The following PRKAG2 variants were observed in gnomAD, a reference collection of about 807,000 sequenced individuals.
The protein encoded by PRKAG2 is protein kinase AMP-activated non-catalytic subunit gamma 2, also known as 5'-AMP-activated protein kinase subunit gamma-2.
PRKAG2 carries 26 observed loss-of-function variants against 69.6 expected under a neutral mutation model. The ratio of observed to expected loss-of-function variants is 0.37; its 90% confidence interval spans 0.27 to 0.52. PRKAG2 has a LOEUF of 0.52. PRKAG2 is among the 20% of genes least tolerant of loss of function. The pLI is 0.90. For synonymous variants in PRKAG2, 293 were observed against 285.0 expected (o/e 1.03, Z -0.28); for missense variants, 557 against 740.0 (o/e 0.75, Z 2.87).
At chr7:151,853,569 T>C (rs147253112) in intron 1 of PRKAG2, among the ~76,000 whole-genome samples, 69 of 152,124 alleles carry the variant, frequency 4.5e-4, no homozygotes, top group African/African-American at 1.6e-3. Flanking sequence ...CCATCTTGGC[T>C]AACACAGTGA....
intron 4 of PRKAG2, among the ~76,000 whole-genome samples, chr7:151,659,334 T>A (rs1213535365): frequency 6.6e-6 from 1 of 152,188 alleles, no homozygotes; most frequent in Non-Finnish European, 1.5e-5. Context: ...GAAAATTGAC[T>A]TTGCTTTGTT....
Position 151,602,082 on chromosome 7 carries a change from C to T in PRKAG2, c.755-6628G>A, listed in dbSNP as rs928324325. On this transcript the variant is annotated intron_variant, in intron 5 of 15. Coordinates refer to ENST00000287878, the MANE Select transcript of PRKAG2 (RefSeq NM_016203.4). ...GAGAGCGGCACAGAGAGATCTGGTC[C>T]GTGTCCGCCATCGCTGCTAAGGATG... 2.0e-5 allele frequency among the ~76,000 whole-genome samples: 3 copies of T among 152,350 alleles called. No individual in the cohort carries two copies. In the South Asian group the frequency reaches 6.2e-4, roughly 32 times the overall value.
chr7:151,858,763 A>G (rs576333713), intron 1 of PRKAG2, among the ~76,000 whole-genome samples: 30 of 152,308 alleles, frequency 2.0e-4, no homozygotes, highest in African/African-American at 6.5e-4. Flanking sequence ...TGAGCCCCCA[A>G]TCCAAAGATG....
intron 1 of PRKAG2, among the ~76,000 whole-genome samples, chr7:151,796,151 G>T (rs376277852): frequency 6.6e-6 from 1 of 151,988 alleles, no homozygotes; most frequent in Non-Finnish European, 1.5e-5. Context: ...CCGAGCTGGT[G>T]GGGACAGACA....
intron 1 of PRKAG2, among the ~76,000 whole-genome samples, chr7:151,829,879 C>T (rs2078985470): frequency 6.6e-6 from 1 of 151,852 alleles, no homozygotes; most frequent in Non-Finnish European, 1.5e-5. Context: ...GGGACGGTGG[C>T]CCCGTGTACA....
rs1403562525 is a variant in PRKAG2 at position 151,556,209 on chromosome 7, T to C, written c.*992A>G. 1.3e-5 allele frequency: 2 copies of C among 150,916 alleles called. No homozygotes were observed. Among genetic ancestry groups the C allele is most frequent in the Admixed American group, 6.6e-5 (1 of 15,128 alleles). The allele number at this position is 150,916 out of a possible 1,614,324, so 9.3% of individuals were successfully genotyped here. Reference sequence around the variant, plus strand: ...AAAAAACAAACTATCCTCATATATATATATACAGTGTCAACATTTTCAGAG... The same window carrying C: ...AAAAAACAAACTATCCTCATATATACATATACAGTGTCAACATTTTCAGAG... On this transcript the variant is annotated 3_prime_UTR_variant, in exon 16 of 16. Transcript: ENST00000287878.
chr7:151,805,800 C>A (rs762950770), intron 1 of PRKAG2, among the ~76,000 whole-genome samples: 1 of 152,218 alleles, frequency 6.6e-6, no homozygotes, highest in African/African-American at 2.4e-5. Context: ...AGGAAAGAGG[C>A]AGATTCCACC....
chr7:151,839,522 G>C (rs961103874), intron 1 of PRKAG2, among the ~76,000 whole-genome samples: 2 of 152,224 alleles, frequency 1.3e-5, no homozygotes, highest in Non-Finnish European at 2.9e-5. Context: ...AATGTCTACA[G>C]TTCCAATGCT....
intron 6 of PRKAG2, among the ~76,000 whole-genome samples, chr7:151,588,365 ATTTTTTTTT>A (rs562565665): frequency 1.4e-5 from 2 of 145,012 alleles, no homozygotes; most frequent in Non-Finnish European, 3.0e-5. Flanking sequence ...ACAAGATCTG[ATTTTTTTTT>A]TTTTTAAGAC....
intron 3 of PRKAG2, among the ~76,000 whole-genome samples, chr7:151,768,349 G>A (rs1163653074): frequency 1.3e-5 from 2 of 152,152 alleles, no homozygotes; most frequent in Non-Finnish European, 2.9e-5. Context: ...AGGGGAATAC[G>A]CCTGCAATGA....
At chr7:151,716,669 C>T (rs1796236833) in intron 3 of PRKAG2, among the ~76,000 whole-genome samples, 1 of 152,184 alleles carries the variant, frequency 6.6e-6, no homozygotes, top group Non-Finnish European at 1.5e-5. Context: ...CATAATCAAC[C>T]TAAGAATGGG....
At chr7:151,730,694 C>T (rs1013500516) in intron 3 of PRKAG2, among the ~76,000 whole-genome samples, 1 of 152,016 alleles carries the variant, frequency 6.6e-6, no homozygotes, top group Non-Finnish European at 1.5e-5. Flanking sequence ...CGGGAGAGAC[C>T]ACAGGCTTGA....
chr7:151,576,456 A>T lies in PRKAG2; in HGVS notation c.865-4T>A. ...AAGCAAAGAAGGCCTTTTTAACCTGAAGAAAAAGAGGAGAAACAAAACATA... is the reference window on the plus strand; with the variant it reads ...AAGCAAAGAAGGCCTTTTTAACCTGTAGAAAAAGAGGAGAAACAAAACATA... On this transcript the variant is annotated splice_region_variant and splice_polypyrimidine_tract_variant and intron_variant, in intron 6 of 15. Coordinates refer to ENST00000287878, the MANE Select transcript of PRKAG2 (RefSeq NM_016203.4). The T allele has an allele frequency of 6.3e-7, 1 of 1,585,778 alleles. No homozygotes were observed. Among genetic ancestry groups the T allele is most frequent in the Non-Finnish European group, 8.7e-7 (1 of 1,154,522 alleles).
chr7:151,702,171 A>C (rs1837826231), intron 3 of PRKAG2, among the ~76,000 whole-genome samples: 1 of 152,190 alleles, frequency 6.6e-6, no homozygotes, highest in Non-Finnish European at 1.5e-5. Context: ...GTTCGATTGG[A>C]GGGTGGTGTT....
intron 1 of PRKAG2, among the ~76,000 whole-genome samples, chr7:151,811,875 T>G (rs971957097): frequency 6.6e-6 from 1 of 152,212 alleles, no homozygotes; most frequent in African/African-American, 2.4e-5. Context: ...GAGGGACAAC[T>G]TTGGAGTTGT....
At chr7:151,796,246 G>A (rs894789818) in intron 1 of PRKAG2, among the ~76,000 whole-genome samples, 2 of 151,976 alleles carry the variant, frequency 1.3e-5, no homozygotes, top group Non-Finnish European at 2.9e-5. Flanking sequence ...CTCAGTCATC[G>A]GGTGGGCTCT....
At chr7:151,813,361 A>G (rs1364833785) in intron 1 of PRKAG2, among the ~76,000 whole-genome samples, 5 of 152,116 alleles carry the variant, frequency 3.3e-5, no homozygotes, top group Non-Finnish European at 7.4e-5. Flanking sequence ...TCAGATGCAC[A>G]GAATCAAGCC....
At chr7:151,744,234 G>A (rs186081942) in intron 3 of PRKAG2, among the ~76,000 whole-genome samples, 81 of 152,222 alleles carry the variant, frequency 5.3e-4, no homozygotes, top group South Asian at 2.3e-3. Context: ...GTTCTCAGCC[G>A]GTGCCCCGGG....
intron 4 of PRKAG2, among the ~76,000 whole-genome samples, chr7:151,646,449 T>C (rs542949198): frequency 6.6e-6 from 1 of 152,332 alleles, no homozygotes; most frequent in South Asian, 2.1e-4. Context: ...ATAAATGAAA[T>C]TGCTTATAAA....
Sources: allele counts gnomAD v4.1 joint callset (sites outside exome capture counted in the v4.1 genomes callset), GRCh38; gene constraint gnomAD v4.1.1; transcripts MANE v1.5; gene names NCBI Gene and HGNC (gene_info 2026-07-23, HGNC 2026-07-21).